ACYP2: variants seen among roughly 807,000 people sequenced by gnomAD.
ACYP2 encodes the protein acylphosphatase 2.
In ACYP2, 12 loss-of-function variants were observed where a neutral mutation model predicts 11.2. That is an observed-to-expected ratio of 1.08 (90% CI 0.69 to 1.74). The LOEUF is 1.74. ACYP2 is among the 40% of genes most tolerant of loss of function. The probability of loss-of-function intolerance (pLI) is 0.00; values close to 1 mark genes in which losing one functional copy is unlikely to be tolerated. For missense variants in ACYP2, 134 were observed against 101.9 expected, an observed-to-expected ratio of 1.31 and a Z score of -1.35; for synonymous variants, 43 against 32.2, an observed-to-expected ratio of 1.33 and a Z score of -1.13.
At chr2:54,048,066 C>G (rs1348884530) in intron 2 of ACYP2, among the ~76,000 whole-genome samples, 2 of 152,170 alleles carry the variant, frequency 1.3e-5, no homozygotes, top group Non-Finnish European at 2.9e-5. Context: ...TCATTAGAAT[C>G]TGACAAATGT....
rs1370288404 is a variant in ACYP2 at position 53,971,160 on chromosome 2, C to T, written c.-198C>T. On this transcript the variant is annotated 5_prime_UTR_variant, in exon 1 of 7. Transcript: ENST00000607452. ...CGGGCTGCGCCTTCTTCGCCGTGGG[C>T]CCGGCTCGGAGCCCCCACCCCAGGC... 1 of 192,246 alleles carries T rather than the reference C, an allele frequency of 5.2e-6. No individual in the cohort carries two copies. Among genetic ancestry groups the T allele is most frequent in the East Asian group, 1.3e-4 (1 of 7,612 alleles). The allele number at this position is 192,246 out of a possible 1,614,324, so 11.9% of individuals were successfully genotyped here.
chr2:54,254,695 G>GAGCATGTGATGTTAATGCAGAATAGC, intron 6 of ACYP2: 1 of 540,312 alleles, frequency 1.9e-6, no homozygotes, highest in Middle Eastern at 4.9e-4. Context: ...CATCGGCTGG[G>GAGCATGTGATGTTAATGCAGAATAGC]AGCATGTGAT....
At chr2:54,072,535 CTTCCTTCCTTCCTTCATTATTT>C (rs1677114579) in intron 4 of ACYP2, among the ~76,000 whole-genome samples, 9 of 111,986 alleles carry the variant, frequency 8.0e-5, no homozygotes, top group Admixed American at 1.9e-4. Flanking sequence ...TCTTTCTTTC[CTTCCTTCCTTCCTTCATTATTT>C]TCTTTCTTCT....
intron 6 of ACYP2, among the ~76,000 whole-genome samples, chr2:54,242,425 A>G (rs1479826433): frequency 6.6e-6 from 1 of 152,222 alleles, no homozygotes; most frequent in African/African-American, 2.4e-5. Context: ...TAAAATGGAA[A>G]ATTGGATTAT....
In ACYP2 at chr2:54,107,384, G is replaced by GT. The variant is rs988106951; in HGVS notation, c.278-28060dup. ...TTGGTTTTGTTACTATTCTTAGCTT[G>GT]TTTTTTTTTGTTACAATCTTTATTT... On this transcript the variant is annotated intron_variant, in intron 4 of 6. Coordinates refer to ENST00000607452, the MANE Select transcript of ACYP2 (RefSeq NM_001320586.2). Among the ~76,000 whole-genome samples the GT allele has an allele frequency of 4.4e-4, 66 of 150,874 alleles. 1 individual carries two copies. Among genetic ancestry groups the GT allele is most frequent in the African/African-American group, 3.9e-4 (16 of 41,104 alleles).
intron 2 of ACYP2, among the ~76,000 whole-genome samples, chr2:54,045,641 C>A (rs895490118): frequency 6.7e-6 from 1 of 150,038 alleles, no homozygotes. Context: ...ACGGTGAAAC[C>A]CTGTCTCTAC....
chr2:54,055,988 C>T (rs1367621930), intron 3 of ACYP2, among the ~76,000 whole-genome samples: 2 of 152,180 alleles, frequency 1.3e-5, no homozygotes, highest in East Asian at 3.8e-4. Context: ...AGATTTCTTT[C>T]ACTCCATGGA....
At position 54,070,611 on chromosome 2, in the gene ACYP2, C is replaced by A. The variant is rs117919934; in HGVS notation, c.277+13251C>A. 2.4e-3 allele frequency among the ~76,000 whole-genome samples: 365 copies of A among 152,254 alleles called. 4 individuals carry two copies. In the East Asian group the frequency reaches 0.04, roughly 17 times the overall value. On this transcript the variant is annotated intron_variant, in intron 4 of 6. Coordinates refer to ENST00000607452, the MANE Select transcript of ACYP2 (RefSeq NM_001320586.2). ...TTGGTGATCACTGCACCAATTCAGCCCTCTGTGTTCCAGGGAAACCCTTCT... is the reference window on the plus strand; with the variant it reads ...TTGGTGATCACTGCACCAATTCAGCACTCTGTGTTCCAGGGAAACCCTTCT...
chr2:54,255,093 C>A (rs1687428001), intron 6 of ACYP2: 1 of 1,614,010 alleles, frequency 6.2e-7, no homozygotes, highest in Non-Finnish European at 8.5e-7. Context: ...GGTCTGAAAA[C>A]CAGGTGAAGA....
intron 6 of ACYP2, among the ~76,000 whole-genome samples, chr2:54,298,564 C>A (rs1206015758): frequency 6.6e-6 from 1 of 152,156 alleles, no homozygotes. Context: ...TGATTGTAAG[C>A]ATTGCAGGCT....
intron 3 of ACYP2, chr2:54,051,268 G>A: frequency 1.2e-6 from 1 of 835,810 alleles, no homozygotes; most frequent in Non-Finnish European, 2.1e-6. Context: ...CATTTTTTGT[G>A]CAAACTTGTC....
At chr2:54,125,024 A>T (rs902456082) in intron 4 of ACYP2, among the ~76,000 whole-genome samples, 2 of 152,176 alleles carry the variant, frequency 1.3e-5, no homozygotes, top group Non-Finnish European at 2.9e-5. Flanking sequence ...AAGTGCTGGG[A>T]TTACAGGCAT....
At chr2:54,197,837 T>G (rs1175679774) in intron 6 of ACYP2, among the ~76,000 whole-genome samples, 1 of 152,192 alleles carries the variant, frequency 6.6e-6, no homozygotes, top group African/African-American at 2.4e-5. Flanking sequence ...TATTTTATTG[T>G]GCGTACTTCT....
intron 4 of ACYP2, among the ~76,000 whole-genome samples, chr2:54,100,366 G>A (rs1678827994): frequency 6.8e-6 from 1 of 147,512 alleles, no homozygotes; most frequent in East Asian, 2.0e-4. Context: ...GGAGTGGCAT[G>A]ATCACGGCTC....
intron 2 of ACYP2, among the ~76,000 whole-genome samples, chr2:54,046,710 G>A (rs1041519494): frequency 6.6e-5 from 10 of 152,140 alleles, no homozygotes; most frequent in African/African-American, 2.2e-4. Context: ...CAATCACACA[G>A]GGCCCTGTGC....
At chr2:54,288,336 TTGTCTGAGG>T (rs1194327126) in intron 6 of ACYP2, among the ~76,000 whole-genome samples, 1 of 151,962 alleles carries the variant, frequency 6.6e-6, no homozygotes, top group Non-Finnish European at 1.5e-5. Context: ...CCTCATTAAC[TTGTCTGAGG>T]TAGTGATTTG....
intron 6 of ACYP2, among the ~76,000 whole-genome samples, chr2:54,302,106 T>G (rs1452718667): frequency 6.6e-6 from 1 of 152,218 alleles, no homozygotes; most frequent in Admixed American, 6.5e-5. Flanking sequence ...GTATCTCAAC[T>G]AGGTCAATAC....
At chr2:54,212,917 T>C (rs1307629146) in intron 6 of ACYP2, among the ~76,000 whole-genome samples, 2 of 152,112 alleles carry the variant, frequency 1.3e-5, no homozygotes, top group African/African-American at 2.4e-5. Flanking sequence ...CTTTTTTTTT[T>C]TTTTTAAATG....
intron 6 of ACYP2, among the ~76,000 whole-genome samples, chr2:54,157,770 T>C (rs1236852412): frequency 2.6e-5 from 4 of 152,200 alleles, no homozygotes; most frequent in Non-Finnish European, 5.9e-5. Flanking sequence ...TTTCCAATTC[T>C]AGATGGGGTA....
Sources: gnomAD v4.1 joint callset for allele counts (sites outside exome capture counted in the v4.1 genomes callset) on GRCh38, gnomAD v4.1.1 for gene constraint, MANE v1.5 for transcripts, NCBI Gene and HGNC (gene_info 2026-07-23, HGNC 2026-07-21) for gene names.